CPNE5: variants seen among roughly 807,000 people sequenced by gnomAD.
CPNE5 encodes copine 5, also known as copine-5.
Under a neutral mutation model 81.1 loss-of-function variants are expected in CPNE5, and 42 were observed. The ratio of observed to expected loss-of-function variants is 0.52; its 90% CI spans 0.40 to 0.67. The LOEUF is 0.67. Among genes scored for constraint, CPNE5 ranks in the 30% least tolerant of loss-of-function variants. The pLI is 0.00. For synonymous variants in CPNE5, 313 were observed against 321.5 expected, an observed-to-expected ratio of 0.97 and a Z score of 0.28; for missense variants, 612 against 815.5, an observed-to-expected ratio of 0.75 and a Z score of 3.04.
intron 3 of CPNE5, among the ~76,000 whole-genome samples, chr6:36,818,245 G>A (rs1771732484): frequency 6.6e-6 from 1 of 152,166 alleles, no homozygotes; most frequent in African/African-American, 2.4e-5. Flanking sequence ...TGCCTTAGTT[G>A]AATGTGGCCT....
chr6:36,772,717 G>T (rs567237431), intron 10 of CPNE5, among the ~76,000 whole-genome samples: 1 of 152,314 alleles, frequency 6.6e-6, no homozygotes, highest in Admixed American at 6.5e-5. Context: ...GGCAGCCTGG[G>T]GGTTTCTTCG....
chr6:36,785,909 A>C (rs527683024), intron 8 of CPNE5, among the ~76,000 whole-genome samples: 57 of 146,828 alleles, frequency 3.9e-4, no homozygotes, highest in Middle Eastern at 3.6e-3. Flanking sequence ...GATACTCGGG[A>C]GGCTGAGGCA....
At position 36,766,669 on chromosome 6, in the gene CPNE5, A is replaced by G. The variant is rs1766591048; in HGVS notation, c.738-1293T>C. On this transcript the variant is annotated intron_variant, in intron 10 of 20. Coordinates refer to ENST00000244751, the MANE Select transcript of CPNE5 (RefSeq NM_020939.2). This position sits in a 1 kb window ranked among gnomAD's most constrained non-coding sequence, Gnocchi z 4.2. ...TACGCTTGGACCTGGGCCCCTCACT[A>G]TGGGACCTGAGATGTCACTTAATCT... 1.3e-5 allele frequency among the ~76,000 whole-genome samples: 2 copies of G among 152,112 alleles called. No homozygotes were observed. Among genetic ancestry groups the G allele is most frequent in the African/African-American group, 4.8e-5 (2 of 41,394 alleles).
chr6:36,743,185 G>C (rs1763724570), intron 20 of CPNE5: 1 of 985,278 alleles, frequency 1.0e-6, no homozygotes, highest in African/African-American at 1.7e-5. Context: ...GGATGAGTGG[G>C]GGAAGTGCTT....
chr6:36,834,524 TG>T (rs1773291094), intron 1 of CPNE5, among the ~76,000 whole-genome samples: 1 of 151,586 alleles, frequency 6.6e-6, no homozygotes. Flanking sequence ...GGCGTGATGG[TG>T]CATGCCTGTA....
At chr6:36,812,209 C>T (rs1260029341) in intron 3 of CPNE5, among the ~76,000 whole-genome samples, 1 of 152,220 alleles carries the variant, frequency 6.6e-6, no homozygotes, top group East Asian at 1.9e-4. Context: ...CCAGCTCTGC[C>T]ACTTCCTAGC....
Position 36,792,035 on chromosome 6 carries a change from T to C in CPNE5, c.526A>G (p.Arg176Gly), listed in dbSNP as rs1458624218. 9.3e-6 allele frequency: 15 copies of C among 1,613,732 alleles called. No individual in the cohort carries two copies. The highest frequency in any genetic ancestry group is 1.2e-5 in the Non-Finnish European group (14 of 1,179,786). ...ILSAEELSNC[R>G]DVATMQFCAN... is the part of the protein sequence containing the mutation. Reference sequence around the variant, plus strand: ...TGCTGGAGTCCTCTGCCACTCACCCTACAGTTGCTGAGCTCCTCAGCGGAC... The same window carrying C: ...TGCTGGAGTCCTCTGCCACTCACCCCACAGTTGCTGAGCTCCTCAGCGGAC... Residue 176 changes from arginine to glycine, a missense_variant and splice_region_variant, in exon 8 of 21, where the codon AGG becomes GGG. Arg to Gly is a moderately radical substitution (Grantham distance 125, BLOSUM62 -2). Transcript: ENST00000244751.
At chr6:36,774,452 C>T (rs1290794076) in intron 10 of CPNE5, among the ~76,000 whole-genome samples, 1 of 152,194 alleles carries the variant, frequency 6.6e-6, no homozygotes, top group Non-Finnish European at 1.5e-5. Flanking sequence ...GGCAACTAGG[C>T]TGGCAGGATG....
intron 12 of CPNE5, among the ~76,000 whole-genome samples, chr6:36,762,348 TCA>T (rs762883521): frequency 2.1e-5 from 3 of 145,216 alleles, no homozygotes; most frequent in Admixed American, 6.8e-5. Flanking sequence ...AAATACATGC[TCA>T]CACACACACA....
intron 1 of CPNE5, among the ~76,000 whole-genome samples, chr6:36,823,765 G>T (rs138166296): frequency 2.9e-4 from 44 of 152,250 alleles, no homozygotes; most frequent in African/African-American, 1.0e-3. Flanking sequence ...TGCAATAAAG[G>T]CTCCCATTTA....
Position 36,744,339 on chromosome 6 carries a change from T to C in CPNE5, c.1432-14A>G, listed in dbSNP as rs528824588. 1 of 1,575,682 alleles carries C rather than the reference T, an allele frequency of 6.3e-7. No homozygotes were observed. On this transcript the variant is annotated splice_polypyrimidine_tract_variant and intron_variant, in intron 18 of 20. Coordinates refer to ENST00000244751, the MANE Select transcript of CPNE5 (RefSeq NM_020939.2). ...GAGCTTGGCAGCCTGGGAGACAGCA[T>C]GGGGGGCAGGGAAAGGTTGGACCCA...
intron 10 of CPNE5, among the ~76,000 whole-genome samples, chr6:36,773,385 G>A (rs1303215464): frequency 6.6e-6 from 1 of 152,320 alleles, no homozygotes; most frequent in South Asian, 2.1e-4. Context: ...GGCCCCACTC[G>A]CTCTCTCGGC....
chr6:36,742,422 G>A lies in CPNE5; in HGVS notation c.1628C>T (p.Ala543Val). The A allele has an allele frequency of 6.2e-7, 1 of 1,613,626 alleles. No individual in the cohort carries two copies. Among genetic ancestry groups the A allele is most frequent in the East Asian group, 2.2e-5 (1 of 44,884 alleles). The part of the protein sequence containing the change: ...GNHVLSMARL[A>V]RDVLAEIPDQ... ...AGGGATCTCTGCCAGCACGTCTCGG[G>A]CCAGGCGGGCCATGCTCAGCACGTG... Residue 543 changes from alanine to valine, a missense_variant, in exon 21 of 21, where the codon GCC becomes GTC. Coordinates refer to ENST00000244751, the MANE Select transcript of CPNE5 (RefSeq NM_020939.2).
intron 6 of CPNE5, among the ~76,000 whole-genome samples, chr6:36,796,098 G>T (rs771758492): frequency 2.0e-5 from 3 of 152,098 alleles, no homozygotes; most frequent in African/African-American, 4.8e-5. Flanking sequence ...ACAGGCATGT[G>T]CCACCACGCC....
At chr6:36,742,704 G>A (rs1338687561) in intron 20 of CPNE5, 36 of 985,126 alleles carry the variant, frequency 3.7e-5, no homozygotes, top group Middle Eastern at 5.2e-4. Flanking sequence ...TCATTCACTC[G>A]ACAAAAACTG....
rs1008431442 is a variant in CPNE5 at position 36,806,052 on chromosome 6, G to C, written c.184-5982C>G. Among the ~76,000 whole-genome samples, 9 of 152,182 alleles carry C rather than the reference G, an allele frequency of 5.9e-5. No individual in the cohort carries two copies. In the South Asian group the frequency reaches 1.9e-3, roughly 31 times the overall value. On this transcript the variant is annotated intron_variant, in intron 3 of 20. Coordinates refer to ENST00000244751, the MANE Select transcript of CPNE5 (RefSeq NM_020939.2). ...AGCAGGGCTGAGGTTGAGAACCCAG[G>C]TTGGGCAAGCAAGGTCTTCCTGCCC...
chr6:36,839,217 C>G lies in CPNE5; in HGVS notation c.95+66G>C, dbSNP rs1773816098. On this transcript the variant is annotated intron_variant, in intron 1 of 20. Coordinates refer to ENST00000244751, the MANE Select transcript of CPNE5 (RefSeq NM_020939.2). The surrounding 1 kb of genome is among the most constrained non-coding windows in gnomAD (Gnocchi z 7.3). ...GGCGCGCGGAGGTTTAGGATCGAAG[C>G]GGCAGGGGCCGCGGGGCTCTGCGTC... 1 of 1,218,574 alleles carries G rather than the reference C, an allele frequency of 8.2e-7. No individual in the cohort carries two copies. The highest frequency in any genetic ancestry group is 2.6e-5 in the Admixed American group (1 of 39,076). 75.5% of individuals were successfully genotyped at this position (1,218,574 alleles called of 1,614,324 possible).
At chr6:36,819,382 G>T (rs1771842158) in intron 3 of CPNE5, among the ~76,000 whole-genome samples, 1 of 152,252 alleles carries the variant, frequency 6.6e-6, no homozygotes, top group African/African-American at 2.4e-5. Flanking sequence ...TTACAGGCAT[G>T]AGCCACGGCG....
rs1464025168 is a variant in CPNE5 at position 36,799,988 on chromosome 6, T to C, written c.266A>G (p.Lys89Arg). The change falls in exon 4 of 21, where the codon AAG (lysine) becomes AGG (arginine). Residue 89 changes from lysine (K) to arginine (R), a missense_variant. Transcript: ENST00000244751. ...KFIVDYFFEE[K>R]QNLRFDLYDV... The stretch of plus-strand genomic sequence containing the variant: ...TTACAGATCAAAACGGAGGTTCTGC[T>C]TCTCCTCGAAAAAGTAATCCACAAT... 6.2e-7 allele frequency: 1 copy of C among 1,613,832 alleles called. No individual in the cohort carries two copies. Among genetic ancestry groups the C allele is most frequent in the South Asian group, 1.1e-5 (1 of 91,068 alleles).
Sources: allele counts gnomAD v4.1 joint callset (sites outside exome capture counted in the v4.1 genomes callset), GRCh38; gene constraint gnomAD v4.1.1; non-coding constraint Gnocchi (gnomAD v3.1); transcripts MANE v1.5; gene names NCBI Gene and HGNC (gene_info 2026-07-23, HGNC 2026-07-21).